RPS6KB1: variants seen among roughly 807,000 people sequenced by gnomAD.
The protein encoded by RPS6KB1 is ribosomal protein S6 kinase beta-1.
In RPS6KB1, 12 loss-of-function variants were observed where a neutral mutation model predicts 70.2. The ratio of observed to expected loss-of-function variants is 0.17; its 90% confidence interval spans 0.11 to 0.28. The LOEUF (loss-of-function observed/expected upper bound fraction) is 0.28. Ranked by LOEUF, RPS6KB1 falls within the 10% of genes least tolerant of loss-of-function variation. RPS6KB1 has a pLI of 1.00. For synonymous variants in RPS6KB1, 175 were observed against 211.2 expected, an observed-to-expected ratio of 0.83 and a Z score of 1.49; for missense variants, 270 against 646.6, an observed-to-expected ratio of 0.42 and a Z score of 6.32.
chr17:59,937,654 T>C (rs2044318968), intron 12 of RPS6KB1, among the ~76,000 whole-genome samples: 1 of 152,198 alleles, frequency 6.6e-6, no homozygotes, highest in South Asian at 2.1e-4. Flanking sequence ...AATTTCCCCT[T>C]TTTATAAGGA....
At chr17:59,904,938 G>T (rs554244986) in intron 1 of RPS6KB1, among the ~76,000 whole-genome samples, 96 of 151,740 alleles carry the variant, frequency 6.3e-4, no homozygotes, top group African/African-American at 2.2e-3. Flanking sequence ...CTTGTGATCT[G>T]TCTGTCTCAG....
chr17:59,937,164 G>A (rs868106739), intron 12 of RPS6KB1, among the ~76,000 whole-genome samples: 1 of 152,268 alleles, frequency 6.6e-6, no homozygotes, highest in Middle Eastern at 3.4e-3. Context: ...ACCCAGCCAA[G>A]CATCTTTTAT....
chr17:59,901,299 G>T (rs932548020), intron 1 of RPS6KB1, among the ~76,000 whole-genome samples: 2 of 151,188 alleles, frequency 1.3e-5, no homozygotes, highest in Non-Finnish European at 3.0e-5. Flanking sequence ...ACAGGTGCCC[G>T]CCACCACGCC....
intron 12 of RPS6KB1, among the ~76,000 whole-genome samples, chr17:59,937,944 A>G (rs2044333777): frequency 6.6e-6 from 1 of 152,080 alleles, no homozygotes; most frequent in Admixed American, 6.6e-5. Flanking sequence ...GTAGTTGGAG[A>G]AGGAGGAGGA....
intron 4 of RPS6KB1, among the ~76,000 whole-genome samples, chr17:59,916,319 C>T (rs976707303): frequency 1.3e-5 from 2 of 151,264 alleles, no homozygotes; most frequent in East Asian, 2.0e-4. Flanking sequence ...ATGCTGGTGT[C>T]GAACTCCTGA....
chr17:59,911,477 C>T (rs2144781600), intron 2 of RPS6KB1, among the ~76,000 whole-genome samples: 1 of 151,712 alleles, frequency 6.6e-6, no homozygotes, highest in East Asian at 1.9e-4. Flanking sequence ...TGTCCTGCCT[C>T]AGCCTCCCAA....
At chr17:59,914,767 A>G in intron 4 of RPS6KB1, 64 bp downstream of exon 4, 1 of 1,177,006 alleles carries the variant, frequency 8.5e-7, no homozygotes, top group Non-Finnish European at 1.2e-6. Flanking sequence ...CTCAGCCAAA[A>G]GGCTGGGAAG....
intron 13 of RPS6KB1, 72 bp from the exon 14 acceptor site, chr17:59,945,334 G>A (rs2044860716): frequency 3.8e-6 from 3 of 784,608 alleles, no homozygotes; most frequent in Non-Finnish European, 2.2e-6. Context: ...AGGTATGTCA[G>A]ACTGAACAAC....
At position 59,944,603 on chromosome 17, in the gene RPS6KB1, C is replaced by T. The variant is rs149117675; in HGVS notation, c.1228-803C>T. Among the ~76,000 whole-genome samples the T allele has an allele frequency of 1.3e-3, 201 of 152,052 alleles. 1 individual carries two copies. The highest frequency in any genetic ancestry group is 4.5e-3 in the African/African-American group (186 of 41,496). ...CCATCTCTTAAAACAAAACAAAAAA[C>T]GAATTCTGTCCAATCATTGGCGTAA... On this transcript the variant is annotated intron_variant, in intron 13 of 14. Transcript: ENST00000225577.
chr17:59,944,763 T>G (rs1249493868), intron 13 of RPS6KB1, among the ~76,000 whole-genome samples: 5 of 151,992 alleles, frequency 3.3e-5, no homozygotes, highest in Admixed American at 6.6e-5. Flanking sequence ...ACTAGAAGTT[T>G]CTTTACATTT....
At chr17:59,906,169 A>G (rs1361516676) in intron 1 of RPS6KB1, among the ~76,000 whole-genome samples, 2 of 152,206 alleles carry the variant, frequency 1.3e-5, no homozygotes, top group African/African-American at 4.8e-5. Flanking sequence ...AGTTGACAAT[A>G]TAAATGTAAG....
chr17:59,903,480 G>C (rs963989941), intron 1 of RPS6KB1, among the ~76,000 whole-genome samples: 1 of 150,982 alleles, frequency 6.6e-6, no homozygotes, highest in African/African-American at 2.4e-5. Context: ...GTCTCAAAAA[G>C]AAAAAAAAGA....
At chr17:59,894,959 A>G (rs958216432) in intron 1 of RPS6KB1, among the ~76,000 whole-genome samples, 10 of 151,820 alleles carry the variant, frequency 6.6e-5, no homozygotes, top group African/African-American at 2.2e-4. Flanking sequence ...ACGGTTTAGA[A>G]AGTGGGTATT....
At chr17:59,903,560 G>A (rs1568388838) in intron 1 of RPS6KB1, among the ~76,000 whole-genome samples, 1 of 152,156 alleles carries the variant, frequency 6.6e-6, no homozygotes, top group Non-Finnish European at 1.5e-5. Flanking sequence ...CTTTTGAGTA[G>A]ATACATTGGA....
chr17:59,937,699 C>G (rs1397010504), intron 12 of RPS6KB1, among the ~76,000 whole-genome samples: 3 of 152,164 alleles, frequency 2.0e-5, no homozygotes, highest in Admixed American at 6.5e-5. Flanking sequence ...CCTCTCTACT[C>G]CAGTAGGACC....
intron 1 of RPS6KB1, among the ~76,000 whole-genome samples, chr17:59,904,920 C>G (rs1392178646): frequency 6.6e-6 from 1 of 152,096 alleles, no homozygotes; most frequent in African/African-American, 2.4e-5. Flanking sequence ...TGGTCTCGAA[C>G]TCCTGACCTT....
chr17:59,947,899 CTTCT>C lies in RPS6KB1; in HGVS notation c.*1116_*1119del, dbSNP rs1303904823. 5 of 340,926 alleles carry C rather than the reference CTTCT, an allele frequency of 1.5e-5. No individual in the cohort carries two copies. Among genetic ancestry groups the C allele is most frequent in the Non-Finnish European group, 2.1e-5 (4 of 187,720 alleles). The allele number at this position is 340,926 out of a possible 1,614,324, so 21.1% of individuals were successfully genotyped here. A position where few individuals can be genotyped will look rare whatever the true frequency, so the allele number is the denominator to read the frequency against. On this transcript the variant is annotated 3_prime_UTR_variant, in exon 15 of 15. Transcript: ENST00000225577. ...CAAATTGGTAAGATTTTCAGTTTTA[CTTCT>C]TTCTACTGTTTCTGCTGTCTACCTT... is the stretch of plus-strand genomic sequence containing the variant.
chr17:59,899,061 G>A (rs536052770), intron 1 of RPS6KB1, among the ~76,000 whole-genome samples: 2 of 151,834 alleles, frequency 1.3e-5, no homozygotes, highest in Admixed American at 6.6e-5. Context: ...AAAATTAGCC[G>A]GGCCTGGTGT....
chr17:59,928,835 T>C (rs950890351), intron 5 of RPS6KB1, among the ~76,000 whole-genome samples: 1 of 152,182 alleles, frequency 6.6e-6, no homozygotes, highest in African/African-American at 2.4e-5. Flanking sequence ...GGCCAGTTAG[T>C]TTGTAGAATG....
Sources: allele counts gnomAD v4.1 joint callset (sites outside exome capture counted in the v4.1 genomes callset), GRCh38; gene constraint gnomAD v4.1.1; transcripts MANE v1.5; gene names NCBI Gene and HGNC (gene_info 2026-07-23, HGNC 2026-07-21).